The following ERP44 variants were observed in gnomAD, a reference collection of about 807,000 sequenced individuals.
ERP44 encodes the protein endoplasmic reticulum resident protein 44.
ERP44 carries 25 observed loss-of-function variants against 53.4 expected under a neutral mutation model. The ratio of observed to expected loss-of-function variants is 0.47; its 90% CI spans 0.34 to 0.65. ERP44 has a LOEUF of 0.65. Among genes scored for constraint, ERP44 ranks in the 30% least tolerant of loss-of-function variants. The probability of loss-of-function intolerance (pLI) is 0.01; values close to 1 mark genes in which losing one functional copy is unlikely to be tolerated. For synonymous variants in ERP44, 145 were observed against 161.2 expected, an observed-to-expected ratio of 0.90 and a Z score of 0.76; for missense variants, 338 against 493.2, an observed-to-expected ratio of 0.69 and a Z score of 2.98.
chr9:100,030,604 G>C (rs1385532045), intron 4 of ERP44, among the ~76,000 whole-genome samples: 1 of 152,156 alleles, frequency 6.6e-6, no homozygotes, highest in African/African-American at 2.4e-5. Flanking sequence ...GCTATGAATG[G>C]ATTTGGCATT....
At chr9:99,987,367 G>A (rs570489158) in intron 10 of ERP44, among the ~76,000 whole-genome samples, 23 of 152,134 alleles carry the variant, frequency 1.5e-4, no homozygotes, top group South Asian at 1.5e-3. Flanking sequence ...TATATATCAC[G>A]CTTTAGGGCA....
intron 1 of ERP44, among the ~76,000 whole-genome samples, chr9:100,085,637 C>T (rs1284190195): frequency 1.3e-5 from 2 of 152,208 alleles, no homozygotes; most frequent in African/African-American, 2.4e-5. Flanking sequence ...CAGTGGCTCA[C>T]GCCTGTAATC....
intron 6 of ERP44, 32 bp downstream of exon 6, chr9:100,020,584 C>A: frequency 8.9e-7 from 1 of 1,119,624 alleles, no homozygotes; most frequent in Non-Finnish European, 1.4e-6. Flanking sequence ...AGCCAACCAA[C>A]CCACTAACAC....
At chr9:100,081,028 GA>G (rs963117352) in intron 1 of ERP44, among the ~76,000 whole-genome samples, 53 of 147,560 alleles carry the variant, frequency 3.6e-4, no homozygotes, top group East Asian at 1.6e-3. Flanking sequence ...TAGAAAAACT[GA>G]AAAAAAAATA....
At chr9:100,014,861 A>C (rs1373944624) in intron 8 of ERP44, among the ~76,000 whole-genome samples, 1 of 152,200 alleles carries the variant, frequency 6.6e-6, no homozygotes, top group African/African-American at 2.4e-5. Context: ...AAGTACCATA[A>C]ACTGGGTGGC....
At chr9:99,992,206 C>A (rs1040105048) in intron 10 of ERP44, among the ~76,000 whole-genome samples, 4 of 151,990 alleles carry the variant, frequency 2.6e-5, no homozygotes, top group African/African-American at 9.7e-5. Context: ...CTGGCAGAGA[C>A]ACAACAAAAA....
intron 10 of ERP44, among the ~76,000 whole-genome samples, chr9:99,997,591 C>A (rs1187522331): frequency 6.6e-6 from 1 of 152,128 alleles, no homozygotes; most frequent in Non-Finnish European, 1.5e-5. Context: ...CCAAATTTAT[C>A]CCTTCCCGAA....
chr9:100,001,952 A>T (rs1418437940), intron 10 of ERP44, among the ~76,000 whole-genome samples: 2 of 151,920 alleles, frequency 1.3e-5, no homozygotes, highest in African/African-American at 4.8e-5. Context: ...GGTAGGCTTT[A>T]TTCCTTAATT....
At chr9:100,024,145 C>A (rs570232433) in intron 4 of ERP44, among the ~76,000 whole-genome samples, 15 of 143,366 alleles carry the variant, frequency 1.0e-4, no homozygotes, top group African/African-American at 4.3e-4. Context: ...CAGAGTGAAA[C>A]CCTGACTCAA....
At chr9:100,086,087 T>TTTTTGAATGA (rs1407187988) in intron 1 of ERP44, among the ~76,000 whole-genome samples, 1 of 152,208 alleles carries the variant, frequency 6.6e-6, no homozygotes, top group Admixed American at 6.5e-5. Context: ...GAGATAATCT[T>TTTTTGAATGA]TTTTGAATGA....
At chr9:100,053,120 A>G (rs1471896892) in intron 3 of ERP44, among the ~76,000 whole-genome samples, 1 of 152,152 alleles carries the variant, frequency 6.6e-6, no homozygotes, top group Non-Finnish European at 1.5e-5. Context: ...GTTCTATCAA[A>G]TCTCACAGGC....
chr9:100,093,811 GC>G (rs1475687407), intron 1 of ERP44, among the ~76,000 whole-genome samples: 3 of 152,078 alleles, frequency 2.0e-5, no homozygotes, highest in Non-Finnish European at 4.4e-5. Flanking sequence ...TTAAAGACAG[GC>G]AAATTAAAAT....
intron 7 of ERP44, among the ~76,000 whole-genome samples, chr9:100,017,405 T>C (rs1587963840): frequency 2.6e-5 from 4 of 152,190 alleles, no homozygotes; most frequent in Admixed American, 2.0e-4. Flanking sequence ...CCAGAGCCCA[T>C]GCTCTGAACA....
chr9:100,027,781 G>A (rs1166699447), intron 4 of ERP44, among the ~76,000 whole-genome samples: 1 of 152,038 alleles, frequency 6.6e-6, no homozygotes, highest in African/African-American at 2.4e-5. Flanking sequence ...GGTTATCCAT[G>A]GCAGAAAATA....
intron 1 of ERP44, among the ~76,000 whole-genome samples, chr9:100,098,370 T>C (rs761837493): frequency 6.6e-6 from 1 of 152,094 alleles, no homozygotes; most frequent in Non-Finnish European, 1.5e-5. Flanking sequence ...CTAGACCCAG[T>C]GAGAGTCACA....
At chr9:100,011,234 A>G (rs904174613) in intron 8 of ERP44, among the ~76,000 whole-genome samples, 3 of 152,180 alleles carry the variant, frequency 2.0e-5, no homozygotes, top group African/African-American at 7.2e-5. Flanking sequence ...CTGGTACTAT[A>G]AAACTATGAC....
intron 4 of ERP44, among the ~76,000 whole-genome samples, chr9:100,031,693 T>A (rs1312917948): frequency 6.6e-6 from 1 of 152,160 alleles, no homozygotes; most frequent in Non-Finnish European, 1.5e-5. Flanking sequence ...TGTTTTTTTT[T>A]AAGAGTGCTA....
In ERP44 at chr9:100,043,291, A is replaced by AAAAAAAAAAAAAAAAAAAAAAG. The variant is rs1168903331; in HGVS notation, c.286+9125_286+9126insCTTTTTTTTTTTTTTTTTTTTT. On this transcript the variant is annotated intron_variant, in intron 4 of 11. Coordinates refer to ENST00000262455, the MANE Select transcript of ERP44 (RefSeq NM_015051.3). ...AAAAAAAAAAAAAAAAAAAAAAAAA[A>AAAAAAAAAAAAAAAAAAAAAAG]GATAAATAAGACATAGTATTTGCTA... 4.7e-4 allele frequency among the ~76,000 whole-genome samples: 35 copies of AAAAAAAAAAAAAAAAAAAAAAG among 74,928 alleles called. 13 individuals carry two copies. The highest frequency in any genetic ancestry group is 2.2e-3 in the East Asian group (4 of 1,780). 49.2% of individuals were successfully genotyped at this position (74,928 alleles called of 152,430 possible). A position where few individuals can be genotyped will look rare whatever the true frequency, so the allele number is the denominator to read the frequency against.
At position 100,022,179 on chromosome 9, in the gene ERP44, A is replaced by G. The variant is rs1191212579; in HGVS notation, c.334T>C (p.Leu112=). Residue 112 remains leucine, a synonymous_variant, in exon 5 of 12, where the codon TTG becomes CTG. Coordinates refer to ENST00000262455, the MANE Select transcript of ERP44 (RefSeq NM_015051.3). Reference sequence around the variant, plus strand: ...TTCATCATCATCCCATTACGAAACAATTTGAGGGTTGGGTATTTGCTTATC... The same window carrying G: ...TTCATCATCATCCCATTACGAAACAGTTTGAGGGTTGGGTATTTGCTTATC... ...YRISKYPTLK[L]FRNGMMMKRE... 38 of 1,613,696 alleles carry G rather than the reference A, an allele frequency of 2.4e-5. No individual in the cohort carries two copies. The highest frequency in any genetic ancestry group is 3.0e-5 in the Non-Finnish European group (35 of 1,179,862).
Sources: allele counts gnomAD v4.1 joint callset (sites outside exome capture counted in the v4.1 genomes callset), GRCh38; gene constraint gnomAD v4.1.1; transcripts MANE v1.5; gene names NCBI Gene and HGNC (gene_info 2026-07-23, HGNC 2026-07-21).